HOMER2: variants seen among roughly 807,000 people sequenced by gnomAD.
HOMER2 encodes homer protein homolog 2.
A neutral mutation model predicts 47.0 loss-of-function variants in HOMER2; 27 were observed. The observed-to-expected ratio is 0.57, with a 90% CI of 0.42 to 0.79. The LOEUF is 0.79. HOMER2 is among the 30% of genes least tolerant of loss of function. The pLI, the probability that HOMER2 is intolerant of heterozygous loss-of-function variation, is 0.00. For synonymous variants in HOMER2, 161 were observed against 163.8 expected (o/e 0.98, Z 0.13); for missense variants, 443 against 435.0 (o/e 1.02, Z -0.16).
chr15:82,880,771 C>T (rs913560615), intron 2 of HOMER2, among the ~76,000 whole-genome samples: 7 of 152,000 alleles, frequency 4.6e-5, no homozygotes, highest in Non-Finnish European at 7.4e-5. Flanking sequence ...AAGGGGTCAC[C>T]GGGTGGAGAG....
At chr15:82,837,598 T>G (rs534152680) in exon 2 of HOMER2, 2 of 152,384 alleles carry the variant, frequency 1.3e-5, no homozygotes, top group Admixed American at 1.3e-4. Flanking sequence ...TCAGCGATCC[T>G]GAAGCCTGGT....
chr15:82,878,239 A>C lies in HOMER2; in HGVS notation c.163-2835T>G, dbSNP rs552789280. ...TATGGCTCTTAAGCTCACCCCATAC[A>C]GGCTATCCCAGAGGCAGTCAAGCTA... is the stretch of plus-strand genomic sequence containing the variant. On this transcript the variant is annotated intron_variant, in intron 2 of 8. Coordinates refer to ENST00000450735, the MANE Select transcript of HOMER2 (RefSeq NM_004839.4). 1.8e-4 allele frequency among the ~76,000 whole-genome samples: 28 copies of C among 152,316 alleles called. 1 individual carries two copies. The East Asian group carries it at 3.1e-3, about 17-fold the overall frequency.
At chr15:82,984,550 G>A (rs748142426) in intron 1 of HOMER2, among the ~76,000 whole-genome samples, 3 of 152,182 alleles carry the variant, frequency 2.0e-5, no homozygotes, top group Non-Finnish European at 2.9e-5. Flanking sequence ...TGGGCTCCAC[G>A]GCTCAGGCCT....
chr15:82,861,684 C>A (rs1223237776), intron 4 of HOMER2, among the ~76,000 whole-genome samples: 2 of 152,098 alleles, frequency 1.3e-5, no homozygotes, highest in African/African-American at 4.8e-5. Context: ...ATTCAGGAAA[C>A]CAAGTAATTG....
chr15:82,845,545 T>C (rs1245006792), downstream of HOMER2: 1 of 152,250 alleles, frequency 6.6e-6, no homozygotes, highest in Non-Finnish European at 1.5e-5. Flanking sequence ...TTTAAAAATA[T>C]ACATGGACAT....
intron 1 of HOMER2, among the ~76,000 whole-genome samples, chr15:82,930,009 G>A (rs1434247395): frequency 6.6e-6 from 1 of 152,028 alleles, no homozygotes; most frequent in Admixed American, 6.6e-5. Flanking sequence ...GATTACAGGC[G>A]TGAGCCACCA....
upstream of HOMER2, among the ~76,000 whole-genome samples, chr15:82,955,177 T>C (rs371946596): frequency 6.1e-4 from 91 of 149,370 alleles, no homozygotes; most frequent in African/African-American, 1.2e-3. Context: ...TTTTCTTTTT[T>C]TTTTTTTTTT....
At chr15:82,862,988 C>G (rs1374621853) in intron 4 of HOMER2, among the ~76,000 whole-genome samples, 1 of 152,152 alleles carries the variant, frequency 6.6e-6, no homozygotes, top group African/African-American at 2.4e-5. Flanking sequence ...TCCCTGTCAT[C>G]TTTGCTGGCT....
intron 3 of HOMER2, among the ~76,000 whole-genome samples, chr15:82,873,856 G>C (rs757399715): frequency 6.6e-6 from 1 of 152,168 alleles, no homozygotes; most frequent in African/African-American, 2.4e-5. Flanking sequence ...TGGGATGGCC[G>C]GATCTGTGCG....
At chr15:82,931,102 C>CA (rs959127209) in intron 1 of HOMER2, among the ~76,000 whole-genome samples, 1,607 of 127,510 alleles carry the variant, frequency 0.013, 25 homozygotes, top group African/African-American at 0.039. Flanking sequence ...GACACTGTAT[C>CA]AAAAAAAAAA....
At chr15:82,906,977 A>C (rs62011734) in intron 1 of HOMER2, among the ~76,000 whole-genome samples, 58,690 of 152,112 alleles carry the variant, frequency 0.39, 12,313 homozygotes, top group Non-Finnish European at 0.47. Flanking sequence ...GTCAAAATAC[A>C]TGCCAAAACT....
At chr15:82,959,093 C>T (rs191076494) in exon 2 of HOMER2, 2 of 152,512 alleles carry the variant, frequency 1.3e-5, no homozygotes, top group East Asian at 1.9e-4. Flanking sequence ...ACTCCCAACT[C>T]ACATTCAAGT....
At chr15:82,905,168 G>A (rs895137765) in intron 1 of HOMER2, among the ~76,000 whole-genome samples, 10 of 152,012 alleles carry the variant, frequency 6.6e-5, no homozygotes, top group Admixed American at 2.6e-4. Flanking sequence ...ACAGGACAGG[G>A]CTGAGGAAAG....
intron 1 of HOMER2, among the ~76,000 whole-genome samples, chr15:82,919,787 A>C (rs1470184324): frequency 6.6e-6 from 1 of 152,272 alleles, no homozygotes; most frequent in East Asian, 1.9e-4. Flanking sequence ...TGCTACTCAC[A>C]GGAAAACATT....
intron 1 of HOMER2, among the ~76,000 whole-genome samples, chr15:82,927,178 T>A (rs2053873984): frequency 6.6e-6 from 1 of 152,202 alleles, no homozygotes; most frequent in Admixed American, 6.5e-5. Flanking sequence ...CTCCCAGTCA[T>A]CGACACCTGC....
At chr15:82,878,655 T>C (rs1478965252) in intron 2 of HOMER2, among the ~76,000 whole-genome samples, 5 of 152,166 alleles carry the variant, frequency 3.3e-5, no homozygotes, top group Admixed American at 3.3e-4. Flanking sequence ...TGAGATAGGG[T>C]CTTGCTCTGT....
chr15:82,875,496 T>G, intron 2 of HOMER2, 92 bp from the exon 3 acceptor site: 1 of 1,352,220 alleles, frequency 7.4e-7, no homozygotes, highest in Non-Finnish European at 1.0e-6. Context: ...AGCCAGTGCT[T>G]CAAGCCTGTA....
rs10678643 is a variant in HOMER2, at chr15:82,868,541, A to AT, written c.295-4283dup. Among the ~76,000 whole-genome samples, 26 of 71,266 alleles carry AT rather than the reference A, an allele frequency of 3.6e-4. 2 individuals are homozygous for AT. The highest frequency in any genetic ancestry group is 7.5e-4 in the African/African-American group (15 of 19,996). The allele number at this position is 71,266 out of a possible 152,430, so 46.8% of individuals were successfully genotyped here. A position where few individuals can be genotyped will look rare whatever the true frequency, so the allele number is the denominator to read the frequency against. ...ATTTATTTTATATATATATATATAT[A>AT]TTTTTTTTTTTTTTTTTCCCCTTTT... On this transcript the variant is annotated intron_variant, in intron 3 of 8. Transcript: ENST00000450735.
At chr15:82,960,653 A>C (rs2054623157) in intron 1 of HOMER2, among the ~76,000 whole-genome samples, 1 of 152,252 alleles carries the variant, frequency 6.6e-6, no homozygotes, top group South Asian at 2.1e-4. Flanking sequence ...TTTTCAATTC[A>C]AATGTAGCAA....
Sources: allele counts gnomAD v4.1 joint callset (sites outside exome capture counted in the v4.1 genomes callset), GRCh38; gene constraint gnomAD v4.1.1; transcripts MANE v1.5; gene names NCBI Gene and HGNC (gene_info 2026-07-23, HGNC 2026-07-21).